The following DENND1B variants were observed in gnomAD, a reference collection of about 807,000 sequenced individuals.
DENND1B encodes DENN domain-containing protein 1B.
Under a neutral mutation model 90.1 loss-of-function variants are expected in DENND1B, and 59 were observed. The ratio of observed to expected loss-of-function variants is 0.65; its 90% CI spans 0.53 to 0.81. DENND1B has a LOEUF of 0.81. DENND1B is among the 40% of genes least tolerant of loss of function. DENND1B has a pLI of 0.00. For missense variants in DENND1B, 862 were observed against 912.6 expected, an observed-to-expected ratio of 0.94 and a Z score of 0.71; for synonymous variants, 337 against 324.6, an observed-to-expected ratio of 1.04 and a Z score of -0.41.
At chr1:197,535,903 T>C (rs1347954898) in intron 20 of DENND1B, among the ~76,000 whole-genome samples, 2 of 151,978 alleles carry the variant, frequency 1.3e-5, no homozygotes, top group African/African-American at 4.8e-5. Context: ...ATAAGATCTG[T>C]GTCAAGGACA....
intron 3 of DENND1B, among the ~76,000 whole-genome samples, chr1:197,687,993 T>A (rs1657433025): frequency 6.6e-6 from 1 of 152,172 alleles, no homozygotes; most frequent in South Asian, 2.1e-4. Context: ...AAAATCAACA[T>A]ACAAAATCAG....
chr1:197,627,187 C>A (rs1428554228), intron 10 of DENND1B, among the ~76,000 whole-genome samples: 1 of 152,096 alleles, frequency 6.6e-6, no homozygotes, highest in Non-Finnish European at 1.5e-5. Context: ...ATGAGGCCAG[C>A]ATCATCCTGA....
intron 3 of DENND1B, among the ~76,000 whole-genome samples, chr1:197,699,393 T>C (rs1226958824): frequency 6.6e-6 from 1 of 152,066 alleles, no homozygotes; most frequent in Non-Finnish European, 1.5e-5. Context: ...ATAAAATAAA[T>C]ATTGATGAAA....
chr1:197,511,173 G>A (rs1474649742), intron 22 of DENND1B, among the ~76,000 whole-genome samples: 1 of 151,694 alleles, frequency 6.6e-6, no homozygotes, highest in Non-Finnish European at 1.5e-5. Context: ...CTGCCTTGCA[G>A]CTGTCACCTA....
chr1:197,552,206 G>A (rs1276192408), intron 16 of DENND1B: 1 of 979,958 alleles, frequency 1.0e-6, no homozygotes, highest in Non-Finnish European at 1.2e-6. Flanking sequence ...ATACAAAGAA[G>A]TTTAAAAAAT....
intron 3 of DENND1B, among the ~76,000 whole-genome samples, chr1:197,698,483 C>T (rs1241877140): frequency 2.0e-5 from 3 of 151,708 alleles, no homozygotes; most frequent in Non-Finnish European, 2.9e-5. Context: ...AATTGATGCC[C>T]TAACATCACA....
At chr1:197,707,856 G>A (rs2102198792) in intron 3 of DENND1B, among the ~76,000 whole-genome samples, 1 of 147,642 alleles carries the variant, frequency 6.8e-6, no homozygotes, top group South Asian at 2.1e-4. Flanking sequence ...AGTGGGCGCA[G>A]GCCAGTGTGT....
intron 2 of DENND1B, chr1:197,761,806 G>A (rs564827699): frequency 1.3e-5 from 2 of 151,554 alleles, no homozygotes; most frequent in Admixed American, 1.3e-4. Flanking sequence ...CTTCAGATTC[G>A]AGTGATAATT....
chr1:197,644,155 A>G (rs1321506750), intron 9 of DENND1B, among the ~76,000 whole-genome samples: 1 of 152,218 alleles, frequency 6.6e-6, no homozygotes, highest in Non-Finnish European at 1.5e-5. Flanking sequence ...CTCTCCATAT[A>G]AAAATTCAAG....
intron 2 of DENND1B, among the ~76,000 whole-genome samples, chr1:197,717,396 T>C (rs756218206): frequency 6.6e-5 from 10 of 151,886 alleles, no homozygotes; most frequent in Non-Finnish European, 1.3e-4. Flanking sequence ...ATGACTGATA[T>C]ACACTGTGTT....
At chr1:197,611,999 C>A in intron 11 of DENND1B, 23 bp from the exon 12 acceptor site, 2 of 1,544,160 alleles carry the variant, frequency 1.3e-6, no homozygotes, top group Non-Finnish European at 1.8e-6. Flanking sequence ...TATATATATG[C>A]ATAGATTCAT....
intron 3 of DENND1B, among the ~76,000 whole-genome samples, chr1:197,695,606 C>A (rs902890056): frequency 2.7e-5 from 4 of 150,770 alleles, no homozygotes; most frequent in Non-Finnish European, 5.9e-5. Flanking sequence ...AGGGAATTTA[C>A]TATTACATAT....
chr1:197,702,916 A>G (rs924281607), intron 3 of DENND1B, among the ~76,000 whole-genome samples: 11 of 152,124 alleles, frequency 7.2e-5, no homozygotes, highest in African/African-American at 2.4e-4. Context: ...CTGAGTATAT[A>G]CTTTTGTTTT....
chr1:197,591,324 C>T (rs1675181948), intron 14 of DENND1B, among the ~76,000 whole-genome samples: 1 of 152,132 alleles, frequency 6.6e-6, no homozygotes, highest in Non-Finnish European at 1.5e-5. Context: ...TCAGAGAGGT[C>T]CTATTATAGC....
chr1:197,770,915 T>A (rs1656509749), intron 2 of DENND1B, among the ~76,000 whole-genome samples: 1 of 132,730 alleles, frequency 7.5e-6, no homozygotes, highest in South Asian at 2.2e-4. Context: ...TCTATATAGA[T>A]TTTTTTTTTT....
At chr1:197,526,720 T>C (rs1042856795) in intron 20 of DENND1B, among the ~76,000 whole-genome samples, 6 of 152,134 alleles carry the variant, frequency 3.9e-5, no homozygotes, top group African/African-American at 1.4e-4. Flanking sequence ...TTATATGTTA[T>C]TAATATACTA....
chr1:197,623,527 A>G (rs1240808953), intron 10 of DENND1B, among the ~76,000 whole-genome samples: 1 of 151,560 alleles, frequency 6.6e-6, no homozygotes, highest in Non-Finnish European at 1.5e-5. Context: ...AAATGTTTGG[A>G]GAACAGAAAT....
intron 10 of DENND1B, among the ~76,000 whole-genome samples, chr1:197,624,007 C>A (rs1230668308): frequency 6.6e-6 from 1 of 151,550 alleles, no homozygotes; most frequent in Non-Finnish European, 1.5e-5. Context: ...GTCCTTCCAA[C>A]TTGATCTATA....
intron 15 of DENND1B, among the ~76,000 whole-genome samples, chr1:197,560,515 C>G (rs1378667969): frequency 6.6e-6 from 1 of 151,754 alleles, no homozygotes; most frequent in Non-Finnish European, 1.5e-5. Flanking sequence ...CAGGGTAGGT[C>G]TCATGAAGAC....
Sources: gnomAD v4.1 joint callset for allele counts (sites outside exome capture counted in the v4.1 genomes callset) on GRCh38, gnomAD v4.1.1 for gene constraint, MANE v1.5 for transcripts, NCBI Gene and HGNC (gene_info 2026-07-23, HGNC 2026-07-21) for gene names.